PDZD2: variants seen among roughly 807,000 people sequenced by gnomAD.
The protein encoded by PDZD2 is PDZ domain-containing protein 2.
Under a neutral mutation model 220.7 loss-of-function variants are expected in PDZD2, and 90 were observed. The observed-to-expected ratio is 0.41, with a 90% CI of 0.34 to 0.49. PDZD2 has a LOEUF of 0.49. Among genes scored for constraint, PDZD2 ranks in the 20% least tolerant of loss-of-function variants. The pLI, the probability that PDZD2 is intolerant of heterozygous loss-of-function variation, is 0.28. For missense variants in PDZD2, 3,174 were observed against 3,608.5 expected (o/e 0.88, Z 3.08); for synonymous variants, 1,375 against 1,450.5 (o/e 0.95, Z 1.18).
intron 1 of PDZD2, among the ~76,000 whole-genome samples, chr5:31,660,172 C>A (rs1441700758): frequency 1.3e-5 from 2 of 152,246 alleles, no homozygotes; most frequent in East Asian, 3.9e-4. Context: ...CTCATTGGCA[C>A]AATTCAACCT....
intron 1 of PDZD2, among the ~76,000 whole-genome samples, chr5:31,797,401 A>G (rs1754111380): frequency 6.6e-6 from 1 of 152,006 alleles, no homozygotes; most frequent in Non-Finnish European, 1.5e-5. Context: ...TAGTGAATAT[A>G]TTGATGAATA....
chr5:31,720,200 C>T (rs1748706890), intron 1 of PDZD2, among the ~76,000 whole-genome samples: 1 of 152,224 alleles, frequency 6.6e-6, no homozygotes, highest in South Asian at 2.1e-4. Flanking sequence ...GATCACGTGT[C>T]TACATCTTAG....
At chr5:32,050,378 C>G (rs1305269226) in intron 8 of PDZD2, among the ~76,000 whole-genome samples, 1 of 152,174 alleles carries the variant, frequency 6.6e-6, no homozygotes, top group Non-Finnish European at 1.5e-5. Context: ...CTTCAGGGAT[C>G]GGGAAGCCCA....
intron 1 of PDZD2, among the ~76,000 whole-genome samples, chr5:31,679,683 T>G (rs1333389190): frequency 6.6e-6 from 1 of 152,128 alleles, no homozygotes; most frequent in African/African-American, 2.4e-5. Context: ...AAGTTTTGTC[T>G]TTTTTTAGTA....
chr5:31,787,072 A>T (rs966122132), intron 1 of PDZD2, among the ~76,000 whole-genome samples: 1 of 152,214 alleles, frequency 6.6e-6, no homozygotes, highest in African/African-American at 2.4e-5. Flanking sequence ...GTGGGTTGGT[A>T]GTATCATGGC....
At chr5:31,995,752 T>A in intron 4 of PDZD2, 34 bp downstream of exon 4, 1 of 1,587,706 alleles carries the variant, frequency 6.3e-7, no homozygotes, top group Non-Finnish European at 8.6e-7. Flanking sequence ...CCCCCATCCC[T>A]CTGCCTCCTC....
chr5:32,067,446 G>A (rs1361477301), intron 14 of PDZD2, among the ~76,000 whole-genome samples: 1 of 152,168 alleles, frequency 6.6e-6, no homozygotes, highest in African/African-American at 2.4e-5. Context: ...GGGGGTGTGT[G>A]TGTAAGTATA....
intron 1 of PDZD2, among the ~76,000 whole-genome samples, chr5:31,641,835 G>A (rs1368754099): frequency 1.3e-5 from 2 of 152,078 alleles, no homozygotes; most frequent in African/African-American, 2.4e-5. Flanking sequence ...CACTCACCAT[G>A]CTGCCCTGGG....
At chr5:32,078,939 T>C (rs1411489807) in intron 19 of PDZD2, among the ~76,000 whole-genome samples, 1 of 152,074 alleles carries the variant, frequency 6.6e-6, no homozygotes, top group Non-Finnish European at 1.5e-5. Flanking sequence ...TTTGCTTCCT[T>C]GTTAGTGGAG....
intron 1 of PDZD2, among the ~76,000 whole-genome samples, chr5:31,716,578 T>G (rs7713488): frequency 0.49 from 74,464 of 151,620 alleles, 18,316 homozygotes; most frequent in East Asian, 0.54. Flanking sequence ...CAAGGCGGGC[T>G]GATCACTTGA....
chr5:32,014,706 CTTTTTTTTTTTTTTT>C (rs556276502), intron 6 of PDZD2, among the ~76,000 whole-genome samples: 236 of 95,432 alleles, frequency 2.5e-3, no homozygotes, highest in Non-Finnish European at 4.1e-3. Flanking sequence ...ATGACAATTT[CTTTTTTTTTTTTTTT>C]TTTTTTTTTT....
chr5:31,734,743 A>G (rs905264359), intron 1 of PDZD2, among the ~76,000 whole-genome samples: 1 of 152,198 alleles, frequency 6.6e-6, no homozygotes, highest in Non-Finnish European at 1.5e-5. Context: ...TGGGGCTGAA[A>G]GTACCCAATC....
intron 1 of PDZD2, among the ~76,000 whole-genome samples, chr5:31,689,879 G>A (rs1482189657): frequency 1.3e-5 from 2 of 152,114 alleles, no homozygotes; most frequent in Non-Finnish European, 2.9e-5. Context: ...ATGCTGAAGG[G>A]TCTCTGGGTG....
intron 2 of PDZD2, among the ~76,000 whole-genome samples, chr5:31,853,593 C>A (rs576800971): frequency 1.3e-5 from 2 of 152,312 alleles, no homozygotes; most frequent in South Asian, 4.2e-4. Flanking sequence ...TGGGTTGGCC[C>A]CTCCTGGGCT....
At chr5:32,038,133 TGCCTG>T (rs1168679335) in intron 7 of PDZD2, among the ~76,000 whole-genome samples, 1 of 140,464 alleles carries the variant, frequency 7.1e-6, no homozygotes, top group Non-Finnish European at 1.5e-5. Flanking sequence ...TGAGCCACCG[TGCCTG>T]GCAAAAGGCA....
At chr5:31,969,534 A>AAAG (rs1554016420) in intron 2 of PDZD2, among the ~76,000 whole-genome samples, 1 of 140,312 alleles carries the variant, frequency 7.1e-6, no homozygotes. Flanking sequence ...AAAAAAAAAA[A>AAAG]ACAATGGATA....
chr5:31,648,383 T>C (rs140793663), intron 1 of PDZD2, among the ~76,000 whole-genome samples: 15 of 152,176 alleles, frequency 9.9e-5, no homozygotes, highest in African/African-American at 3.6e-4. Context: ...CCTCCTCCCG[T>C]CTCAGTAAAT....
chr5:31,995,651 C>T lies in PDZD2; in HGVS notation c.1054C>T (p.Arg352Ter), dbSNP rs979054917. The stretch of plus-strand genomic sequence containing the variant: ...GCTGGGAATTCAGGTTAGTGGAGGC[C>T]GAGGATCAAAGCGCTCACCTCACGC... ...DGLGIQVSGG[R>*]GSKRSPHAIV... Residue 352 changes from arginine (R) to a stop codon, truncating the protein, a stop_gained, in exon 4 of 25, where the codon CGA becomes TGA. Transcript: ENST00000438447. LOFTEE classifies it high-confidence loss of function. 1 of 1,613,986 alleles carries T rather than the reference C, an allele frequency of 6.2e-7. No homozygotes were observed. Among genetic ancestry groups the T allele is most frequent in the South Asian group, 1.1e-5 (1 of 91,062 alleles).
intron 3 of PDZD2, among the ~76,000 whole-genome samples, chr5:31,986,255 A>G (rs1026213367): frequency 1.3e-5 from 2 of 152,116 alleles, no homozygotes; most frequent in Admixed American, 6.6e-5. Flanking sequence ...AAAAAGCCGC[A>G]TGCCTATAGA....
Sources: gnomAD v4.1 joint callset for allele counts (sites outside exome capture counted in the v4.1 genomes callset) on GRCh38, gnomAD v4.1.1 for gene constraint, MANE v1.5 for transcripts, NCBI Gene and HGNC (gene_info 2026-07-23, HGNC 2026-07-21) for gene names.